The following ATP6V0A2 variants were observed in gnomAD, a reference collection of about 807,000 sequenced individuals.
ATP6V0A2 encodes the protein V-type proton ATPase 116 kDa subunit a 2.
A neutral mutation model predicts 104.4 loss-of-function variants in ATP6V0A2; 58 were observed. That is an observed-to-expected ratio of 0.56 (90% CI 0.45 to 0.69). The LOEUF (loss-of-function observed/expected upper bound fraction) is 0.69. Ranked by LOEUF, ATP6V0A2 falls within the 30% of genes least tolerant of loss-of-function variation. The pLI, the probability that ATP6V0A2 is intolerant of heterozygous loss-of-function variation, is 0.00. For missense variants in ATP6V0A2, 938 were observed against 1,062.9 expected (o/e 0.88, Z 1.63); for synonymous variants, 376 against 397.9 (o/e 0.95, Z 0.65).
In ATP6V0A2 at chr12:123,744,124, T is replaced by C. The variant is rs2135909499; in HGVS notation, c.1190-77T>C. The C allele has an allele frequency of 1.3e-6, 2 of 1,580,518 alleles. No homozygotes were observed. Among genetic ancestry groups the C allele is most frequent in the Non-Finnish European group, 1.7e-6 (2 of 1,150,334 alleles). On this transcript the variant is annotated intron_variant, in intron 10 of 19. Coordinates refer to ENST00000330342, the MANE Select transcript of ATP6V0A2 (RefSeq NM_012463.4). The surrounding 1 kb of genome is among the most constrained non-coding windows in gnomAD (Gnocchi z 5.4). The stretch of plus-strand genomic sequence containing the variant: ...ATTCTGGAGAAAGTCAAGATTGTTA[T>C]GTATCATTGTGTTTGAATGAACTCA...
intron 1 of ATP6V0A2, among the ~76,000 whole-genome samples, chr12:123,715,878 A>G (rs1247347171): frequency 1.3e-5 from 2 of 152,178 alleles, no homozygotes; most frequent in African/African-American, 2.4e-5. Flanking sequence ...ATTTTATTAA[A>G]TATTCTTTTA....
rs1402654079 is a variant in ATP6V0A2, at chr12:123,751,412, T to C, written c.2055+183T>C. 3.3e-5 allele frequency among the ~76,000 whole-genome samples: 5 copies of C among 152,248 alleles called. No homozygotes were observed. In the South Asian group the frequency reaches 6.2e-4, roughly 19 times the overall value. On this transcript the variant is annotated intron_variant, in intron 16 of 19. Coordinates refer to ENST00000330342, the MANE Select transcript of ATP6V0A2 (RefSeq NM_012463.4). Reference sequence around the variant, plus strand: ...GCTCACACCTATAATCCCAGCACTTTGGGAGGCCAAAGCGGGCAGATCACT... The same window carrying C: ...GCTCACACCTATAATCCCAGCACTTCGGGAGGCCAAAGCGGGCAGATCACT...
In ATP6V0A2 at chr12:123,743,766, T is replaced by G; in HGVS notation, c.1039-19T>G. The G allele has an allele frequency of 6.2e-7, 1 of 1,613,778 alleles. No individual in the cohort carries two copies. The highest frequency in any genetic ancestry group is 8.5e-7 in the Non-Finnish European group (1 of 1,179,634). On this transcript the variant is annotated intron_variant, in intron 9 of 19. Transcript: ENST00000330342. Reference sequence around the variant, plus strand: ...CTTCTTGGATAGTAATTTTTTATCTTTCCTTGTTTATGTGGAAGAGAGAGA... The same window carrying G: ...CTTCTTGGATAGTAATTTTTTATCTGTCCTTGTTTATGTGGAAGAGAGAGA...
chr12:123,752,582 AT>A (rs1220473160), intron 17 of ATP6V0A2, among the ~76,000 whole-genome samples, 180 bp downstream of exon 17: 1 of 152,212 alleles, frequency 6.6e-6, no homozygotes, highest in African/African-American at 2.4e-5. Flanking sequence ...AGTTGGTGGC[AT>A]TATATGAGTT....
At chr12:123,734,390 G>A (rs888108260) in intron 7 of ATP6V0A2, among the ~76,000 whole-genome samples, 1 of 152,176 alleles carries the variant, frequency 6.6e-6, no homozygotes, top group Admixed American at 6.5e-5. Context: ...TGGGGCAGGG[G>A]TGTGGCGTGT....
At chr12:123,729,959 G>A (rs1030572574) in intron 6 of ATP6V0A2, among the ~76,000 whole-genome samples, 2 of 149,732 alleles carry the variant, frequency 1.3e-5, no homozygotes, top group Non-Finnish European at 3.0e-5. Context: ...GGACTATATA[G>A]GCGTGGACCA....
At chr12:123,733,740 G>A (rs1220429153) in intron 6 of ATP6V0A2, 186 bp from the exon 7 acceptor site, 37 of 600,290 alleles carry the variant, frequency 6.2e-5, no homozygotes, top group Middle Eastern at 4.2e-4. Flanking sequence ...GACTGGAAGC[G>A]CTCCGTGGAT....
Position 123,744,654 on chromosome 12 carries a change from G to T in ATP6V0A2, c.1384G>T (p.Val462Leu). ...YILLLMGLFS[V>L]YTGLIYNDCF... Reference sequence around the variant, plus strand: ...CCTCCTGCTGATGGGGCTGTTCTCAGTGTACACTGGCCTCATCTACAACGA... The same window carrying T: ...CCTCCTGCTGATGGGGCTGTTCTCATTGTACACTGGCCTCATCTACAACGA... Residue 462 changes from valine to leucine, a missense_variant, in exon 12 of 20, where the codon GTG becomes TTG. Physicochemically the swap from Val to Leu is conservative, Grantham distance 32. Transcript: ENST00000330342. The surrounding 1 kb of genome is among the most constrained non-coding windows in gnomAD (Gnocchi z 5.4). 1 of 1,613,928 alleles carries T rather than the reference G, an allele frequency of 6.2e-7. No homozygotes were observed.
At chr12:123,716,218 C>T (rs999084754) in intron 1 of ATP6V0A2, among the ~76,000 whole-genome samples, 13 of 151,972 alleles carry the variant, frequency 8.6e-5, no homozygotes, top group Admixed American at 2.0e-4. Context: ...AGGCGCGCGC[C>T]ACCACGCCTG....
chr12:123,733,754 T>C, intron 6 of ATP6V0A2, 172 bp from the exon 7 acceptor site: 1 of 631,910 alleles, frequency 1.6e-6, no homozygotes, highest in South Asian at 1.8e-5. Flanking sequence ...CGTGGATTGG[T>C]TTGGGGCTGT....
At chr12:123,743,601 C>T (rs1382544946) in intron 9 of ATP6V0A2, among the ~76,000 whole-genome samples, 184 bp from the exon 10 acceptor site, 4 of 151,240 alleles carry the variant, frequency 2.6e-5, no homozygotes, top group South Asian at 2.1e-4. Context: ...TGCGGTGAGC[C>T]GAGATCACAC....
At chr12:123,739,955 G>A (rs981443964) in intron 9 of ATP6V0A2, among the ~76,000 whole-genome samples, 4 of 151,776 alleles carry the variant, frequency 2.6e-5, no homozygotes, top group African/African-American at 9.7e-5. Flanking sequence ...TTTCTTTAAA[G>A]ACCAGTGATT....
chr12:123,735,766 C>T, intron 8 of ATP6V0A2, 142 bp downstream of exon 8: 1 of 776,384 alleles, frequency 1.3e-6, no homozygotes, highest in Non-Finnish European at 2.2e-6. Context: ...TTGCTTCCCT[C>T]CCTCCTCCCC....
At chr12:123,741,208 A>C (rs1426824560) in intron 9 of ATP6V0A2, among the ~76,000 whole-genome samples, 3 of 152,048 alleles carry the variant, frequency 2.0e-5, no homozygotes, top group Non-Finnish European at 4.4e-5. Flanking sequence ...AGGCGGGCGG[A>C]TCACTTGAGT....
chr12:123,747,629 G>C lies in ATP6V0A2; in HGVS notation c.1628G>C (p.Arg543Pro). Residue 543 changes from arginine to proline, a missense_variant, in exon 14 of 20, where the codon CGC becomes CCC. By Grantham distance (103) the Arg-to-Pro change is moderately radical. Coordinates refer to ENST00000330342, the MANE Select transcript of ATP6V0A2 (RefSeq NM_012463.4). The part of the protein sequence containing the change: ...IDPIWNLATN[R>P]LTFLNSFKMK... ...TAGATTTGGAACTTGGCCACAAATC[G>C]CCTCACTTTTCTAAACTCTTTCAAA... is the stretch of plus-strand genomic sequence containing the variant. 1.2e-6 allele frequency: 2 copies of C among 1,612,964 alleles called. No homozygotes were observed. The highest frequency in any genetic ancestry group is 1.7e-6 in the Non-Finnish European group (2 of 1,178,970).
chr12:123,712,379 A>C lies in ATP6V0A2; in HGVS notation c.-187A>C, dbSNP rs1566269937. On this transcript the variant is annotated 5_prime_UTR_variant, in exon 1 of 20. Transcript: ENST00000330342. ...GGACCTCGCGGACTGCTGTGGCGGC[A>C]GCTGGAGCGGCGGCCGCGGTGGCAG... is the stretch of plus-strand genomic sequence containing the variant. The C allele has an allele frequency of 1.4e-5, 5 of 356,876 alleles. No homozygotes were observed. Among genetic ancestry groups the C allele is most frequent in the East Asian group, 1.4e-4 (3 of 21,668 alleles). The allele number at this position is 356,876 out of a possible 1,614,324, so 22.1% of individuals were successfully genotyped here.
chr12:123,718,540 A>G, intron 1 of ATP6V0A2, 83 bp from the exon 2 acceptor site: 2 of 1,056,456 alleles, frequency 1.9e-6, no homozygotes, highest in South Asian at 2.7e-5. Flanking sequence ...TACATCCCCC[A>G]AACTTTGGTG....
intron 18 of ATP6V0A2, chr12:123,756,450 G>A (rs949544676): frequency 3.4e-5 from 7 of 204,300 alleles, no homozygotes; most frequent in Non-Finnish European, 4.9e-5. Context: ...ACTGAGTGTC[G>A]GTGCTTTACT....
Position 123,747,648 on chromosome 12 carries a change from T to C in ATP6V0A2, c.1647T>C (p.Ser549=). ...LATNRLTFLN[S]FKMKMSVILG... is the part of the protein sequence containing the mutation. ...CAAATCGCCTCACTTTTCTAAACTC[T>C]TTCAAAATGAAAATGTCCGTGATTT... Residue 549 remains serine, a synonymous_variant, in exon 14 of 20, where the codon TCT becomes TCC. Coordinates refer to ENST00000330342, the MANE Select transcript of ATP6V0A2 (RefSeq NM_012463.4). 2 of 1,613,918 alleles carry C rather than the reference T, an allele frequency of 1.2e-6. No individual in the cohort carries two copies. The highest frequency in any genetic ancestry group is 8.5e-7 in the Non-Finnish European group (1 of 1,179,746).
Sources: allele counts gnomAD v4.1 joint callset (sites outside exome capture counted in the v4.1 genomes callset), GRCh38; gene constraint gnomAD v4.1.1; non-coding constraint Gnocchi (gnomAD v3.1); transcripts MANE v1.5; gene names NCBI Gene and HGNC (gene_info 2026-07-23, HGNC 2026-07-21).